The following TYW1 variants were observed in gnomAD, a reference collection of about 807,000 sequenced individuals.
TYW1 encodes the protein S-adenosyl-L-methionine-dependent tRNA 4-demethylwyosine synthase TYW1.
TYW1 carries 46 observed loss-of-function variants against 96.2 expected under a neutral mutation model. The observed-to-expected ratio is 0.48, with a 90% confidence interval of 0.38 to 0.61. The LOEUF is 0.61. Ranked by LOEUF, TYW1 falls within the 20% of genes least tolerant of loss-of-function variation. The pLI is 0.00. For missense variants in TYW1, 684 were observed against 909.6 expected, an observed-to-expected ratio of 0.75 and a Z score of 3.19; for synonymous variants, 274 against 323.0, an observed-to-expected ratio of 0.85 and a Z score of 1.63.
At position 67,071,206 on chromosome 7, in the gene TYW1, A is replaced by G. The variant is rs183675770; in HGVS notation, c.1274+3803A>G. 3.1e-3 allele frequency among the ~76,000 whole-genome samples: 468 copies of G among 151,812 alleles called. 3 individuals are homozygous for G. The highest frequency in any genetic ancestry group is 5.1e-3 in the Admixed American group (78 of 15,268). ...GGAAGTCAGATTTTTCTCACTCTTCAGGGTTTGTTTTTTATTGCTTGCTCT... is the reference window on the plus strand; with the variant it reads ...GGAAGTCAGATTTTTCTCACTCTTCGGGGTTTGTTTTTTATTGCTTGCTCT... On this transcript the variant is annotated intron_variant, in intron 10 of 15. Transcript: ENST00000359626.
intron 13 of TYW1, among the ~76,000 whole-genome samples, 160 bp downstream of exon 13, chr7:67,117,778 C>T (rs1584583471): frequency 6.6e-6 from 1 of 152,246 alleles, no homozygotes; most frequent in East Asian, 1.9e-4. Flanking sequence ...TAGAGACTTC[C>T]TTCTTCAAGG....
At chr7:67,089,480 ATTAT>A (rs1796649195) in intron 11 of TYW1, 2 of 1,020,974 alleles carry the variant, frequency 2.0e-6, no homozygotes, top group African/African-American at 3.1e-5. Flanking sequence ...ATGCTCATTA[ATTAT>A]TTACCTCACT....
intron 14 of TYW1, among the ~76,000 whole-genome samples, chr7:67,192,502 T>G (rs1018967400): frequency 2.6e-5 from 4 of 152,238 alleles, no homozygotes; most frequent in African/African-American, 9.6e-5. Context: ...CATACATGGT[T>G]GTTTGTGTAA....
intron 13 of TYW1, among the ~76,000 whole-genome samples, chr7:67,138,269 T>TA (rs1798331802): frequency 6.6e-6 from 1 of 152,104 alleles, no homozygotes; most frequent in South Asian, 2.1e-4. Context: ...ATTACCTTTT[T>TA]AAAAAAAGTA....
At chr7:67,083,615 T>A (rs1796450198) in intron 11 of TYW1, 76 bp downstream of exon 11, 2 of 1,483,364 alleles carry the variant, frequency 1.3e-6, no homozygotes, top group Admixed American at 4.1e-5. Flanking sequence ...GAATTGCCTC[T>A]TTGGTAGGAT....
At chr7:67,224,430 A>C (rs760670234) in intron 15 of TYW1, among the ~76,000 whole-genome samples, 2 of 152,146 alleles carry the variant, frequency 1.3e-5, no homozygotes, top group African/African-American at 2.4e-5. Flanking sequence ...CCCGGCCAAT[A>C]CTTGTTTAGA....
chr7:67,043,187 A>G (rs1253312276), intron 7 of TYW1, among the ~76,000 whole-genome samples: 1 of 152,028 alleles, frequency 6.6e-6, no homozygotes, highest in Non-Finnish European at 1.5e-5. Context: ...TCAAGCCTGG[A>G]CTCCATCTGT....
intron 7 of TYW1, among the ~76,000 whole-genome samples, chr7:67,035,162 A>G (rs754149549): frequency 3.4e-5 from 5 of 149,032 alleles, no homozygotes; most frequent in Admixed American, 6.8e-5. Context: ...TCTGTTGCCC[A>G]GGCTGGAGTG....
intron 15 of TYW1, 147 bp downstream of exon 15, chr7:67,195,484 T>G: frequency 2.5e-6 from 3 of 1,212,292 alleles, no homozygotes; most frequent in Non-Finnish European, 3.4e-6. Flanking sequence ...GAGCACTAAA[T>G]TCTGTCTGCT....
In TYW1 at chr7:67,239,137, A is replaced by G; in HGVS notation, c.*608A>G. ...GAATTGCGTTGGATCTAAAACTACT[A>G]GATCTCATCCCATTCCCATGTAAAT... On this transcript the variant is annotated 3_prime_UTR_variant, in exon 16 of 16. Transcript: ENST00000359626. 3 of 986,536 alleles carry G rather than the reference A, an allele frequency of 3.0e-6. No homozygotes were observed. The highest frequency in any genetic ancestry group is 3.5e-5 in the African/African-American group (2 of 57,360). 61.1% of individuals were successfully genotyped at this position (986,536 alleles called of 1,614,324 possible).
At chr7:67,171,068 C>A (rs1325540551) in intron 13 of TYW1, among the ~76,000 whole-genome samples, 3 of 152,048 alleles carry the variant, frequency 2.0e-5, no homozygotes, top group Non-Finnish European at 2.9e-5. Flanking sequence ...ATTGTTCAAT[C>A]TCTTGACTTG....
chr7:67,035,285 A>ATTT (rs1462267744), intron 7 of TYW1, among the ~76,000 whole-genome samples: 155 of 151,758 alleles, frequency 1.0e-3, no homozygotes, highest in African/African-American at 3.6e-3. Context: ...TGCACAACTA[A>ATTT]TTTGTATTTT....
chr7:67,237,124 G>A (rs1434271693), intron 15 of TYW1, among the ~76,000 whole-genome samples: 1 of 152,152 alleles, frequency 6.6e-6, no homozygotes, highest in Non-Finnish European at 1.5e-5. Flanking sequence ...GACCTCAGGC[G>A]ATCCACCTGC....
chr7:67,153,667 T>G (rs1798874009), intron 13 of TYW1, among the ~76,000 whole-genome samples: 1 of 152,210 alleles, frequency 6.6e-6, no homozygotes, highest in Admixed American at 6.5e-5. Flanking sequence ...CCTTCCCGCT[T>G]AAGTTTCACT....
At position 67,238,387 on chromosome 7, in the gene TYW1, G is replaced by T; in HGVS notation, c.2057G>T (p.Gly686Val). 4 of 1,613,662 alleles carry T rather than the reference G, an allele frequency of 2.5e-6. No individual in the cohort carries two copies. Among genetic ancestry groups the T allele is most frequent in the Non-Finnish European group, 3.4e-6 (4 of 1,179,796 alleles). ...QELIQEYEDS[G>V]GSKTFSAKDY... Reference sequence around the variant, plus strand: ...CTCATCCAGGAATATGAAGATAGTGGTGGATCAAAAACGTTCAGCGCAAAG... The same window carrying T: ...CTCATCCAGGAATATGAAGATAGTGTTGGATCAAAAACGTTCAGCGCAAAG... Residue 686 changes from glycine to valine, a missense_variant, in exon 16 of 16, where the codon GGT (glycine) becomes GTT (valine). By Grantham distance (109) the Gly-to-Val change is moderately radical. Coordinates refer to ENST00000359626, the MANE Select transcript of TYW1 (RefSeq NM_018264.4).
chr7:67,177,590 A>T (rs984233348), intron 13 of TYW1, among the ~76,000 whole-genome samples: 6 of 152,246 alleles, frequency 3.9e-5, no homozygotes, highest in Non-Finnish European at 8.8e-5. Flanking sequence ...AGAGATACAG[A>T]TAGCCAGAAA....
At chr7:67,051,385 G>A (rs1385400169) in intron 8 of TYW1, among the ~76,000 whole-genome samples, 4 of 152,044 alleles carry the variant, frequency 2.6e-5, no homozygotes, top group Admixed American at 2.6e-4. Context: ...ATGGCTCACT[G>A]TAGCCTTGAA....
Position 66,996,888 on chromosome 7 carries a change from G to C in TYW1, c.-91G>C, listed in dbSNP as rs541542362. On this transcript the variant is annotated 5_prime_UTR_variant, in exon 1 of 16. Transcript: ENST00000359626. ...CAGGCACTCGGTACGCCGCTAACGC[G>C]GCGAGGTAGCTCGGTGCGTCTCGCG... is the stretch of plus-strand genomic sequence containing the variant. 1.7e-5 allele frequency: 28 copies of C among 1,601,696 alleles called. No homozygotes were observed. The highest frequency in any genetic ancestry group is 5.6e-5 in the South Asian group (5 of 89,540).
chr7:67,133,627 A>G (rs1332946750), intron 13 of TYW1, among the ~76,000 whole-genome samples: 2 of 137,542 alleles, frequency 1.5e-5, no homozygotes, highest in Non-Finnish European at 3.1e-5. Flanking sequence ...AAAAAAAAAA[A>G]AAGAAAAAAA....
Sources: allele counts gnomAD v4.1 joint callset (sites outside exome capture counted in the v4.1 genomes callset), GRCh38; gene constraint gnomAD v4.1.1; transcripts MANE v1.5; gene names NCBI Gene and HGNC (gene_info 2026-07-23, HGNC 2026-07-21).